Variants in CDYL2 observed in about 807,000 individuals in gnomAD.
The protein encoded by CDYL2 is chromodomain Y-like protein 2.
Under a neutral mutation model 49.4 loss-of-function variants are expected in CDYL2, and 23 were observed. The observed-to-expected ratio is 0.47, with a 90% CI of 0.34 to 0.66. The LOEUF (loss-of-function observed/expected upper bound fraction) is 0.66, where lower values mean the gene tolerates loss of function less well. CDYL2 is among the 30% of genes least tolerant of loss of function. The probability of loss-of-function intolerance (pLI) is 0.01; values close to 1 mark genes in which losing one functional copy is unlikely to be tolerated. For missense variants in CDYL2, 678 were observed against 656.4 expected, an observed-to-expected ratio of 1.03 and a Z score of -0.36; for synonymous variants, 360 against 268.8, an observed-to-expected ratio of 1.34 and a Z score of -3.32.
At chr16:80,647,305 T>A (rs998251991) in intron 2 of CDYL2, among the ~76,000 whole-genome samples, 1 of 152,156 alleles carries the variant, frequency 6.6e-6, no homozygotes, top group Non-Finnish European at 1.5e-5. Context: ...ACAGATTCAA[T>A]GTAATCCCTC....
chr16:80,699,868 A>AT (rs66786988), intron 1 of CDYL2, among the ~76,000 whole-genome samples: 1,733 of 144,350 alleles, frequency 0.012, 26 homozygotes, highest in African/African-American at 0.032. Flanking sequence ...GACCAAAACA[A>AT]TTTTTTTTTT....
chr16:80,767,400 C>T (rs1412213699), intron 1 of CDYL2, among the ~76,000 whole-genome samples: 1 of 152,088 alleles, frequency 6.6e-6, no homozygotes, highest in Non-Finnish European at 1.5e-5. Context: ...TCAGTTATTA[C>T]TTTTAATAGG....
intron 1 of CDYL2, among the ~76,000 whole-genome samples, chr16:80,785,003 A>G (rs1907388699): frequency 6.6e-6 from 1 of 152,326 alleles, no homozygotes; most frequent in South Asian, 2.1e-4. Context: ...AGTTTGGTAC[A>G]CAGGGAAGAA....
chr16:80,640,300 C>T (rs56854553), intron 2 of CDYL2, among the ~76,000 whole-genome samples: 1 of 152,132 alleles, frequency 6.6e-6, no homozygotes, highest in Non-Finnish European at 1.5e-5. Flanking sequence ...GGATGGGGCA[C>T]TGGTCAGAGT....
At chr16:80,745,617 G>C (rs779364980) in intron 1 of CDYL2, among the ~76,000 whole-genome samples, 1 of 152,164 alleles carries the variant, frequency 6.6e-6, no homozygotes, top group Non-Finnish European at 1.5e-5. Context: ...GTAAACGTCA[G>C]CTGTTATAAT....
At chr16:80,765,488 T>C (rs1382834786) in intron 1 of CDYL2, among the ~76,000 whole-genome samples, 3 of 151,848 alleles carry the variant, frequency 2.0e-5, no homozygotes, top group East Asian at 1.9e-4. Flanking sequence ...TAAAAAATGA[T>C]AGGTACACTG....
At position 80,612,662 on chromosome 16, in the gene CDYL2, G is replaced by A; in HGVS notation, c.1182C>T (p.Ser394=). ...ATIRLTPAGC[S]SYTFPQILGV... is the part of the protein sequence containing the mutation. ...CCAGGATCTGGGGGAAGGTGTAGGAGGAGCAGCCAGCAGGCGTGAGGCGGA... is the reference window on the plus strand; with the variant it reads ...CCAGGATCTGGGGGAAGGTGTAGGAAGAGCAGCCAGCAGGCGTGAGGCGGA... The change falls in exon 5 of 7, where the codon TCC becomes TCT. Residue 394 remains serine (S), a synonymous_variant. Coordinates refer to ENST00000570137, the MANE Select transcript of CDYL2 (RefSeq NM_152342.4). This position sits in a 1 kb window ranked among gnomAD's most constrained non-coding sequence, Gnocchi z 5.0. 6.2e-7 allele frequency: 1 copy of A among 1,612,740 alleles called. No homozygotes were observed. The highest frequency in any genetic ancestry group is 8.5e-7 in the Non-Finnish European group (1 of 1,179,754).
At chr16:80,639,099 A>C (rs1907967055) in intron 2 of CDYL2, among the ~76,000 whole-genome samples, 1 of 152,232 alleles carries the variant, frequency 6.6e-6, no homozygotes, top group Non-Finnish European at 1.5e-5. Flanking sequence ...TTGAAATGAC[A>C]TTCACCATCA....
At chr16:80,630,323 C>T (rs1907503562) in intron 3 of CDYL2, among the ~76,000 whole-genome samples, 1 of 152,200 alleles carries the variant, frequency 6.6e-6, no homozygotes. Context: ...ACGAGCACAA[C>T]ATGTTTTCCA....
chr16:80,732,038 T>C (rs1259071160), intron 1 of CDYL2, among the ~76,000 whole-genome samples: 1 of 152,098 alleles, frequency 6.6e-6, no homozygotes, highest in East Asian at 1.9e-4. Flanking sequence ...TGGCCAAGGA[T>C]AGTGCAAGGC....
At chr16:80,729,681 A>C (rs1288123266) in intron 1 of CDYL2, among the ~76,000 whole-genome samples, 2 of 152,160 alleles carry the variant, frequency 1.3e-5, no homozygotes, top group East Asian at 1.9e-4. Flanking sequence ...CCTATTCCAA[A>C]ATTGACCACA....
intron 1 of CDYL2, among the ~76,000 whole-genome samples, chr16:80,725,167 A>AACACATACACATACACAT (rs112801144): frequency 3.2e-4 from 48 of 151,292 alleles, no homozygotes; most frequent in Non-Finnish European, 4.3e-4. Context: ...ACACCTGTGC[A>AACACATACACATACACAT]ACACATACAC....
At chr16:80,764,014 T>C (rs1277326618) in intron 1 of CDYL2, among the ~76,000 whole-genome samples, 1 of 151,338 alleles carries the variant, frequency 6.6e-6, no homozygotes, top group Non-Finnish European at 1.5e-5. Context: ...CTGGAGAAAT[T>C]AAGAAAAATA....
intron 2 of CDYL2, among the ~76,000 whole-genome samples, chr16:80,659,963 G>C (rs1908974726): frequency 1.3e-5 from 2 of 151,526 alleles, no homozygotes; most frequent in Non-Finnish European, 2.9e-5. Context: ...AAAAAGCATA[G>C]ACAGAAAAAT....
chr16:80,721,546 A>G (rs1904998939), intron 1 of CDYL2, among the ~76,000 whole-genome samples: 1 of 152,212 alleles, frequency 6.6e-6, no homozygotes, highest in African/African-American at 2.4e-5. Flanking sequence ...TGTCTGCAGG[A>G]GCCCAGTCAT....
intron 1 of CDYL2, among the ~76,000 whole-genome samples, chr16:80,793,938 T>C (rs1907686787): frequency 6.6e-6 from 1 of 152,190 alleles, no homozygotes; most frequent in Admixed American, 6.5e-5. Flanking sequence ...CATTTGGTTG[T>C]TTGTAAATAA....
At chr16:80,745,412 G>T (rs1597112148) in intron 1 of CDYL2, among the ~76,000 whole-genome samples, 1 of 152,166 alleles carries the variant, frequency 6.6e-6, no homozygotes, top group Non-Finnish European at 1.5e-5. Flanking sequence ...CAGTAGACTG[G>T]AATCAAGAGT....
chr16:80,610,538 A>G (rs545454058), intron 5 of CDYL2, among the ~76,000 whole-genome samples: 11 of 152,096 alleles, frequency 7.2e-5, no homozygotes, highest in African/African-American at 2.4e-4. Flanking sequence ...GAGAGAAAGG[A>G]GATTCTTGGG....
intron 3 of CDYL2, among the ~76,000 whole-genome samples, chr16:80,625,539 G>C (rs553023053): frequency 6.6e-6 from 1 of 152,264 alleles, no homozygotes; most frequent in South Asian, 2.1e-4. Flanking sequence ...CTGGAGATTT[G>C]GACATGAACA....
Sources: allele counts gnomAD v4.1 joint callset (sites outside exome capture counted in the v4.1 genomes callset), GRCh38; gene constraint gnomAD v4.1.1; non-coding constraint Gnocchi (gnomAD v3.1); transcripts MANE v1.5; gene names NCBI Gene and HGNC (gene_info 2026-07-23, HGNC 2026-07-21).